Variants in UBE2O observed in about 807,000 individuals in gnomAD.
UBE2O encodes the protein (E3-independent) E2 ubiquitin-conjugating enzyme.
UBE2O carries 15 observed loss-of-function variants against 125.8 expected under a neutral mutation model. The observed-to-expected ratio is 0.12, with a 90% CI of 0.08 to 0.18. The LOEUF (loss-of-function observed/expected upper bound fraction) is 0.18. Among genes scored for constraint, UBE2O ranks in the 10% least tolerant of loss-of-function variants. UBE2O has a pLI of 1.00. For synonymous variants in UBE2O, 708 were observed against 703.2 expected (o/e 1.01, Z -0.11); for missense variants, 1,280 against 1,723.6 (o/e 0.74, Z 4.56).
chr17:76,417,489 A>G (rs538447575), intron 1 of UBE2O, among the ~76,000 whole-genome samples: 1 of 152,370 alleles, frequency 6.6e-6, no homozygotes, highest in South Asian at 2.1e-4. Context: ...AAGAGAACCA[A>G]CAGGAAATCT....
At chr17:76,397,157 G>A (rs1225021049) in intron 13 of UBE2O, among the ~76,000 whole-genome samples, 13 of 152,226 alleles carry the variant, frequency 8.5e-5, no homozygotes. Flanking sequence ...GAAAAGCGCA[G>A]GGTCAGCTAA....
intron 15 of UBE2O, among the ~76,000 whole-genome samples, chr17:76,394,126 C>T (rs565053012): frequency 1.3e-5 from 2 of 152,224 alleles, no homozygotes; most frequent in Admixed American, 6.5e-5. Context: ...AGCCCTGTTC[C>T]AGGGTTGTGG....
chr17:76,409,660 C>T (rs1303219960), intron 1 of UBE2O, among the ~76,000 whole-genome samples: 1 of 152,188 alleles, frequency 6.6e-6, no homozygotes, highest in African/African-American at 2.4e-5. Context: ...TCCCAAAGTG[C>T]TGGGATTACA....
chr17:76,409,054 C>A (rs532865654), intron 1 of UBE2O, among the ~76,000 whole-genome samples: 2 of 151,924 alleles, frequency 1.3e-5, no homozygotes, highest in Admixed American at 1.3e-4. Flanking sequence ...CTGCAAGCTC[C>A]GCCTCCCGGG....
intron 1 of UBE2O, among the ~76,000 whole-genome samples, chr17:76,409,683 C>T (rs761599555): frequency 9.9e-5 from 15 of 152,202 alleles, no homozygotes; most frequent in Non-Finnish European, 1.8e-4. Flanking sequence ...CGTGAGCCAC[C>T]GCCCCTGGCA....
intron 1 of UBE2O, among the ~76,000 whole-genome samples, chr17:76,437,459 A>AG (rs895549530): frequency 6.6e-6 from 1 of 151,930 alleles, no homozygotes; most frequent in African/African-American, 2.4e-5. Flanking sequence ...CAAAAAAAAA[A>AG]AAAAAGAAAA....
At chr17:76,392,625 T>C (rs935486786) in intron 15 of UBE2O, among the ~76,000 whole-genome samples, 1 of 152,066 alleles carries the variant, frequency 6.6e-6, no homozygotes, top group Non-Finnish European at 1.5e-5. Flanking sequence ...GTTTTTATCT[T>C]ATCAGGTGTT....
chr17:76,436,527 C>CT lies in UBE2O; in HGVS notation c.417+16197dup, dbSNP rs570460606. 5.1e-4 allele frequency among the ~76,000 whole-genome samples: 77 copies of CT among 152,296 alleles called. No homozygotes were observed. The Middle Eastern group carries it at 0.01, about 20-fold the overall frequency. ...GAAGAACAGACTATTACACCTGGGA[C>CT]TTTCCCTCCTTGCTGGACCCTGAAT... On this transcript the variant is annotated intron_variant, in intron 1 of 17. Transcript: ENST00000319380.
rs1325779682 is a variant in UBE2O at position 76,396,417 on chromosome 17, C to T, written c.2520G>A (p.Pro840=). The T allele has an allele frequency of 5.0e-6, 8 of 1,614,030 alleles. No homozygotes were observed. The highest frequency in any genetic ancestry group is 2.7e-5 in the African/African-American group (2 of 74,922). ...EQLLTGSPTS[P]TVEPEKPTRE... ...GAGTTGGCTTCTCAGGCTCCACAGTCGGAGAGGTGGGCGAGCCCGTCAGCA... is the reference window on the plus strand; with the variant it reads ...GAGTTGGCTTCTCAGGCTCCACAGTTGGAGAGGTGGGCGAGCCCGTCAGCA... Residue 840 remains proline, a synonymous_variant, in exon 14 of 18, where the codon CCG becomes CCA. Transcript: ENST00000319380. This position sits in a 1 kb window ranked among gnomAD's most constrained non-coding sequence, Gnocchi z 6.7.
intron 15 of UBE2O, 50 bp from the exon 16 acceptor site, chr17:76,392,163 G>A (rs1351626796): frequency 8.1e-7 from 1 of 1,241,074 alleles, no homozygotes; most frequent in Non-Finnish European, 1.1e-6. Flanking sequence ...GGTGGAAGGG[G>A]GTGTCCTACA....
chr17:76,423,701 T>TAAAC (rs2072747823), intron 1 of UBE2O, among the ~76,000 whole-genome samples: 1 of 145,726 alleles, frequency 6.9e-6, no homozygotes, highest in South Asian at 2.2e-4. Flanking sequence ...TCAAAATAAA[T>TAAAC]AAATAAATAA....
In UBE2O at chr17:76,391,828, G is replaced by A; in HGVS notation, c.3151-15C>T. 1 of 1,614,038 alleles carries A rather than the reference G, an allele frequency of 6.2e-7. No individual in the cohort carries two copies. The highest frequency in any genetic ancestry group is 8.5e-7 in the Non-Finnish European group (1 of 1,180,012). ...CTCTCTGTCCCCTGAAACACACAGG[G>A]CACCATCAATTCTGTTCCCCAGGCC... On this transcript the variant is annotated splice_polypyrimidine_tract_variant and intron_variant, in intron 16 of 17. Transcript: ENST00000319380. This position sits in a 1 kb window ranked among gnomAD's most constrained non-coding sequence, Gnocchi z 8.4.
At chr17:76,406,529 G>GAAGATACTGGCTCAAGGTCACTTA (rs2072420981) in intron 1 of UBE2O, among the ~76,000 whole-genome samples, 5 of 151,266 alleles carry the variant, frequency 3.3e-5, no homozygotes, top group Admixed American at 3.3e-4. Flanking sequence ...GCCGAAAAAG[G>GAAGATACTGGCTCAAGGTCACTTA]AAGATACTGG....
chr17:76,423,250 G>C lies in UBE2O; in HGVS notation c.418-17678C>G, dbSNP rs187846809. On this transcript the variant is annotated intron_variant, in intron 1 of 17. Coordinates refer to ENST00000319380, the MANE Select transcript of UBE2O (RefSeq NM_022066.4). ...GGGGTCAAGCTGGGCACGGTGGTAC[G>C]CACCTGGAGCCCCAGCTACTCAAGA... Among the ~76,000 whole-genome samples, 177 of 152,240 alleles carry C rather than the reference G, an allele frequency of 1.2e-3. 2 individuals carry two copies. The East Asian group carries it at 0.028, about 24-fold the overall frequency.
At chr17:76,432,767 G>C (rs2072925398) in intron 1 of UBE2O, among the ~76,000 whole-genome samples, 1 of 152,128 alleles carries the variant, frequency 6.6e-6, no homozygotes, top group African/African-American at 2.4e-5. Context: ...TCAAAAATAA[G>C]CACAGGACTT....
chr17:76,417,490 C>T (rs1330787937), intron 1 of UBE2O, among the ~76,000 whole-genome samples: 2 of 152,214 alleles, frequency 1.3e-5, no homozygotes, highest in African/African-American at 2.4e-5. Context: ...AGAGAACCAA[C>T]AGGAAATCTT....
intron 1 of UBE2O, among the ~76,000 whole-genome samples, chr17:76,418,258 C>T (rs574016939): frequency 7.9e-5 from 12 of 152,330 alleles, no homozygotes; most frequent in Admixed American, 3.9e-4. Flanking sequence ...CACAGCCTCC[C>T]GGAGGGCTCT....
Position 76,405,518 on chromosome 17 carries a change from A to T in UBE2O, c.472T>A (p.Ser158Thr). 1 of 1,597,922 alleles carries T rather than the reference A, an allele frequency of 6.3e-7. No homozygotes were observed. ...GGTGGGGACGCAGGACTCACGGTGGATCGCATGTGCCGGACCACATCTCGG... is the reference window on the plus strand; with the variant it reads ...GGTGGGGACGCAGGACTCACGGTGGTTCGCATGTGCCGGACCACATCTCGG... ...VPRDVVRHMR[S>T]TDSQCGTVID... Residue 158 changes from serine to threonine, a missense_variant, in exon 2 of 18, where the codon TCC becomes ACC. Physicochemically the swap from Ser to Thr is moderately conservative, Grantham distance 58 (BLOSUM62 1). This residue lies in a region of UBE2O where 206 missense variants were observed against 315.7 expected (regional missense o/e 0.65). Coordinates refer to ENST00000319380, the MANE Select transcript of UBE2O (RefSeq NM_022066.4). This position sits in a 1 kb window ranked among gnomAD's most constrained non-coding sequence, Gnocchi z 6.1.
chr17:76,400,020 G>T lies in UBE2O; in HGVS notation c.1156-99C>A, dbSNP rs1392209992. ...GGGGGGATGACAGCTGTATACACCT[G>T]AGTAGCCGGCAAGGGTCATCAGGGC... On this transcript the variant is annotated intron_variant, in intron 8 of 17. Transcript: ENST00000319380. This position sits in a 1 kb window ranked among gnomAD's most constrained non-coding sequence, Gnocchi z 4.3. 1.3e-6 allele frequency: 2 copies of T among 1,524,708 alleles called. No homozygotes were observed. The highest frequency in any genetic ancestry group is 4.5e-5 in the East Asian group (2 of 44,302). The allele number at this position is 1,524,708 out of a possible 1,614,324, so 94.4% of individuals were successfully genotyped here. A position where few individuals can be genotyped will look rare whatever the true frequency, so the allele number is the denominator to read the frequency against.
Sources: gnomAD v4.1 joint callset for allele counts (sites outside exome capture counted in the v4.1 genomes callset) on GRCh38, gnomAD v4.1.1 for gene constraint, gnomAD v4.1.1 regional missense constraint, Gnocchi (gnomAD v3.1) non-coding constraint, MANE v1.5 for transcripts, NCBI Gene and HGNC (gene_info 2026-07-23, HGNC 2026-07-21) for gene names.